ZBTB44: variants seen among roughly 807,000 people sequenced by gnomAD.
ZBTB44 encodes the protein zinc finger and BTB domain containing 44.
A neutral mutation model predicts 54.0 loss-of-function variants in ZBTB44; 15 were observed. That is an observed-to-expected ratio of 0.28 (90% CI 0.19 to 0.43). The LOEUF (loss-of-function observed/expected upper bound fraction) is 0.43, where lower values mean the gene tolerates loss of function less well. Among genes scored for constraint, ZBTB44 ranks in the 20% least tolerant of loss-of-function variants. The pLI is 1.00. For synonymous variants in ZBTB44, 230 were observed against 250.1 expected (o/e 0.92, Z 0.76); for missense variants, 487 against 707.1 (o/e 0.69, Z 3.53).
chr11:130,238,040 T>C (rs1457473334), intron 4 of ZBTB44, among the ~76,000 whole-genome samples: 1 of 152,238 alleles, frequency 6.6e-6, no homozygotes, highest in Non-Finnish European at 1.5e-5. Context: ...ATATTACATT[T>C]TTAAACACAC....
chr11:130,233,697 G>C (rs1489296352), intron 6 of ZBTB44: 1 of 1,221,444 alleles, frequency 8.2e-7, no homozygotes, highest in Non-Finnish European at 1.0e-6. Flanking sequence ...TCTGTTGTTA[G>C]CCTACTTTTA....
chr11:130,286,963 A>AC lies in ZBTB44; in HGVS notation c.-56-25035dup, dbSNP rs1941004128. On this transcript the variant is annotated intron_variant, in intron 1 of 7. Transcript: ENST00000357899. ...TTATTGACAGATCTCTGACTCTACC[A>AC]CCTTTGACTAAAATCTCAGCAATAT... 2.0e-5 allele frequency among the ~76,000 whole-genome samples: 3 copies of AC among 152,192 alleles called. No individual in the cohort carries two copies. The South Asian group carries it at 6.2e-4, about 31-fold the overall frequency.
At chr11:130,274,449 G>C (rs1182137395) in intron 1 of ZBTB44, among the ~76,000 whole-genome samples, 1 of 152,248 alleles carries the variant, frequency 6.6e-6, no homozygotes, top group Non-Finnish European at 1.5e-5. Context: ...AGTCTTAGAA[G>C]GGGAAATTCC....
In ZBTB44 at chr11:130,261,475, G is replaced by C. The variant is rs759939651; in HGVS notation, c.399C>G (p.Pro133=). Residue 133 remains proline (P), a synonymous_variant, in exon 2 of 8, where the codon CCC becomes CCG. Coordinates refer to ENST00000357899, the MANE Select transcript of ZBTB44 (RefSeq NM_001301098.2). This position sits in a 1 kb window ranked among gnomAD's most constrained non-coding sequence, Gnocchi z 4.8. ...CTAGACCCTTTTCAGGTTGGCTGTT[G>C]GGTGTATTCCATAAAATGCTTGATT... ...FMKSSILWNT[P]NSQPEKGLDA... is the part of the protein sequence containing the mutation. The C allele has an allele frequency of 6.2e-7, 1 of 1,613,846 alleles. No homozygotes were observed. Among genetic ancestry groups the C allele is most frequent in the African/African-American group, 1.3e-5 (1 of 74,916 alleles).
chr11:130,310,551 G>A (rs778973637), intron 1 of ZBTB44: 2 of 151,534 alleles, frequency 1.3e-5, no homozygotes, highest in Non-Finnish European at 2.9e-5. Context: ...CTCTTTGCCA[G>A]AGGAAGCAGA....
At chr11:130,238,414 C>T (rs535771731) in intron 4 of ZBTB44, 30 bp downstream of exon 4, 4 of 1,585,790 alleles carry the variant, frequency 2.5e-6, no homozygotes, top group South Asian at 2.3e-5. Flanking sequence ...AGAGCGTTCA[C>T]TTACGCACCA....
intron 5 of ZBTB44, chr11:130,236,292 T>C (rs1954106154): frequency 8.0e-7 from 1 of 1,250,916 alleles, no homozygotes; most frequent in Non-Finnish European, 1.0e-6. Context: ...AAAATAGCAA[T>C]GACTTCATGA....
intron 5 of ZBTB44, among the ~76,000 whole-genome samples, chr11:130,235,302 C>T (rs1218163420): frequency 6.6e-6 from 1 of 152,090 alleles, no homozygotes; most frequent in African/African-American, 2.4e-5. Flanking sequence ...GGGCTCTGTA[C>T]AGGGACGATA....
In ZBTB44 at chr11:130,306,084, A is replaced by G. The variant is rs192652740; in HGVS notation, c.-57+8291T>C. Among the ~76,000 whole-genome samples, 19 of 152,368 alleles carry G rather than the reference A, an allele frequency of 1.2e-4. No homozygotes were observed. The East Asian group carries it at 3.7e-3, about 29-fold the overall frequency. ...CTACCTTACTCCTGTAAGAATGGCT[A>G]TAATTTAAAAATTAAAAATAATAAA... On this transcript the variant is annotated intron_variant, in intron 1 of 7. Transcript: ENST00000357899.
chr11:130,271,030 G>A (rs761176249), intron 1 of ZBTB44, among the ~76,000 whole-genome samples: 11 of 152,258 alleles, frequency 7.2e-5, no homozygotes, highest in Non-Finnish European at 7.4e-5. Context: ...AGCAGATAGA[G>A]CAAAAGGCCT....
rs1433748147 is a variant in ZBTB44, at chr11:130,230,347, T to C, written c.*1417A>G. On this transcript the variant is annotated 3_prime_UTR_variant, in exon 8 of 8. Transcript: ENST00000357899. The stretch of plus-strand genomic sequence containing the variant: ...AGTTAGAAGGTAACTGAGTTACCAA[T>C]AATTATGGACATCAGATGTATTGAC... The C allele has an allele frequency of 6.6e-6, 1 of 150,440 alleles. No homozygotes were observed. Among genetic ancestry groups the C allele is most frequent in the African/African-American group, 2.4e-5 (1 of 41,114 alleles). The allele number at this position is 150,440 out of a possible 1,614,324, so 9.3% of individuals were successfully genotyped here. A position where few individuals can be genotyped will look rare whatever the true frequency, so the allele number is the denominator to read the frequency against.
intron 1 of ZBTB44, among the ~76,000 whole-genome samples, chr11:130,289,113 T>G (rs577035713): frequency 1.5e-4 from 23 of 152,254 alleles, no homozygotes; most frequent in African/African-American, 4.8e-4. Context: ...CATTTGTCAC[T>G]GAAGATGGAT....
intron 2 of ZBTB44, among the ~76,000 whole-genome samples, chr11:130,249,062 C>G (rs1937766254): frequency 6.6e-6 from 1 of 152,188 alleles, no homozygotes; most frequent in Non-Finnish European, 1.5e-5. Flanking sequence ...TGAGATCATG[C>G]TACTGCATTC....
At chr11:130,245,377 G>T (rs1436548279) in intron 2 of ZBTB44, among the ~76,000 whole-genome samples, 1 of 152,038 alleles carries the variant, frequency 6.6e-6, no homozygotes, top group African/African-American at 2.4e-5. Context: ...CCCATTCTCA[G>T]TTTTTTCCTT....
intron 1 of ZBTB44, chr11:130,285,779 A>G: frequency 4.8e-6 from 1 of 206,974 alleles, no homozygotes; most frequent in South Asian, 9.2e-5. Flanking sequence ...ATGCTCCTAT[A>G]CTTCTTTTGA....
At chr11:130,297,643 C>G (rs1019154620) in intron 1 of ZBTB44, among the ~76,000 whole-genome samples, 7 of 152,078 alleles carry the variant, frequency 4.6e-5, no homozygotes, top group African/African-American at 1.7e-4. Context: ...GGAGGATGCC[C>G]CATGAAGACA....
chr11:130,250,616 G>A (rs1402368598), intron 2 of ZBTB44, among the ~76,000 whole-genome samples: 1 of 152,152 alleles, frequency 6.6e-6, no homozygotes, highest in African/African-American at 2.4e-5. Flanking sequence ...TGCAGCCTCC[G>A]CTGGTGATAC....
At chr11:130,278,587 G>A (rs763293447) in intron 1 of ZBTB44, among the ~76,000 whole-genome samples, 33 of 152,068 alleles carry the variant, frequency 2.2e-4, no homozygotes, top group Admixed American at 9.8e-4. Context: ...ATGGTATGTG[G>A]GATGGTGTCT....
intron 1 of ZBTB44, among the ~76,000 whole-genome samples, chr11:130,276,242 A>AAAAAAAAAAAAAAG (rs59112840): frequency 0.44 from 40,174 of 90,286 alleles, 11,415 homozygotes; most frequent in South Asian, 0.6. Flanking sequence ...CAAAAAAAAA[A>AAAAAAAAAAAAAAG]AAAAGAAAAA....
Sources: allele counts gnomAD v4.1 joint callset (sites outside exome capture counted in the v4.1 genomes callset), GRCh38; gene constraint gnomAD v4.1.1; non-coding constraint Gnocchi (gnomAD v3.1); transcripts MANE v1.5; gene names NCBI Gene and HGNC (gene_info 2026-07-23, HGNC 2026-07-21).